Variants in USP18 observed in about 807,000 individuals in gnomAD.
USP18 encodes the protein ubl carboxyl-terminal hydrolase 18.
USP18 carries 11 observed loss-of-function variants against 48.7 expected under a neutral mutation model. The observed-to-expected ratio is 0.23, with a 90% CI of 0.14 to 0.37. The LOEUF is 0.37. Among genes scored for constraint, USP18 ranks in the 10% least tolerant of loss-of-function variants. The pLI, the probability that USP18 is intolerant of heterozygous loss-of-function variation, is 1.00. For synonymous variants in USP18, 114 were observed against 163.2 expected (o/e 0.70, Z 2.30); for missense variants, 285 against 436.4 (o/e 0.65, Z 3.09).
intron 2 of USP18, among the ~76,000 whole-genome samples, chr22:18,159,265 A>G (rs112171896): frequency 0.037 from 5,568 of 152,204 alleles, 330 homozygotes; most frequent in African/African-American, 0.13. Flanking sequence ...CATGTAGGCC[A>G]GGCTGGTATT....
At chr22:18,155,212 C>G (rs538874504) in intron 1 of USP18, among the ~76,000 whole-genome samples, 1 of 152,342 alleles carries the variant, frequency 6.6e-6, no homozygotes, top group African/African-American at 2.4e-5. Flanking sequence ...ATCGCCAGTC[C>G]CTGTTACTGG....
chr22:18,172,942 G>A lies in USP18; in HGVS notation c.892-208G>A, dbSNP rs925355136. On this transcript the variant is annotated intron_variant, in intron 8 of 10. Transcript: ENST00000215794. ...ATGACCTGCCTTCCATCTCTTGCGTGCTCTGCCCTGCCAAGCTGCTGAGCC... is the reference window on the plus strand; with the variant it reads ...ATGACCTGCCTTCCATCTCTTGCGTACTCTGCCCTGCCAAGCTGCTGAGCC... Among the ~76,000 whole-genome samples the A allele has an allele frequency of 2.8e-4, 42 of 150,624 alleles. 1 individual carries two copies. Among genetic ancestry groups the A allele is most frequent in the Non-Finnish European group, 4.3e-4 (29 of 67,744 alleles).
At chr22:18,154,576 A>G (rs1929079098) in intron 1 of USP18, among the ~76,000 whole-genome samples, 1 of 151,880 alleles carries the variant, frequency 6.6e-6, no homozygotes, top group African/African-American at 2.4e-5. Flanking sequence ...CCTTCTCAGT[A>G]TTTGGGGCCA....
chr22:18,150,916 A>C (rs1009563725), intron 1 of USP18, among the ~76,000 whole-genome samples: 3 of 152,266 alleles, frequency 2.0e-5, no homozygotes, highest in South Asian at 2.1e-4. Flanking sequence ...GCACCGTTGC[A>C]CTCCAGCCTG....
At chr22:18,172,428 A>G (rs1204195801) in intron 8 of USP18, among the ~76,000 whole-genome samples, 3 of 152,246 alleles carry the variant, frequency 2.0e-5, no homozygotes, top group African/African-American at 7.2e-5. Context: ...ACTGTTGTGT[A>G]ATCTATGTGG....
chr22:18,152,964 G>C (rs1229920756), intron 1 of USP18, among the ~76,000 whole-genome samples: 1 of 152,118 alleles, frequency 6.6e-6, no homozygotes, highest in African/African-American at 2.4e-5. Context: ...TTCCCTCAAT[G>C]ATGAGCTCAA....
At chr22:18,160,673 C>G (rs562921828) in intron 3 of USP18, among the ~76,000 whole-genome samples, 2 of 152,014 alleles carry the variant, frequency 1.3e-5, no homozygotes, top group African/African-American at 4.8e-5. Flanking sequence ...CTCTCAAAAG[C>G]TGGCAGAGGA....
rs1276495954 is a variant in USP18 at position 18,164,980 on chromosome 22, C to T, written c.401-2275C>T. On this transcript the variant is annotated intron_variant, in intron 4 of 10. Transcript: ENST00000215794. ...GTGTCTCAGCTTTTCCAACCGGTTG[C>T]GATGTGGGTGTTCTCCCCATTGCCC... Among the ~76,000 whole-genome samples the T allele has an allele frequency of 7.2e-5, 11 of 151,866 alleles. No homozygotes were observed. In the East Asian group the frequency reaches 1.8e-3, roughly 24 times the overall value.
chr22:18,167,697 CAAAAAAAAAA>C (rs748332867), intron 5 of USP18, among the ~76,000 whole-genome samples, 183 bp from the exon 6 acceptor site: 5 of 94,346 alleles, frequency 5.3e-5, no homozygotes, highest in African/African-American at 1.8e-4. Flanking sequence ...GACTCTGTCT[CAAAAAAAAAA>C]AAAAAAAAAA....
rs555801641 is a variant in USP18, at chr22:18,157,519, C to T, written c.-106-39C>T. On this transcript the variant is annotated intron_variant, in intron 1 of 10. Transcript: ENST00000215794. ...CGGATTACATGAATACACATTCCTC[C>T]TTCTCTAATTCTTGCCTACCCGCAT... 4 of 1,037,998 alleles carry T rather than the reference C, an allele frequency of 3.9e-6. No individual in the cohort carries two copies. The South Asian group carries it at 4.6e-5, about 12-fold the overall frequency. The allele number at this position is 1,037,998 out of a possible 1,614,324, so 64.3% of individuals were successfully genotyped here. A position where few individuals can be genotyped will look rare whatever the true frequency, so the allele number is the denominator to read the frequency against.
chr22:18,158,635 GGTTGCTAGGGGTCAGACAAAT>G (rs763760464), intron 2 of USP18, among the ~76,000 whole-genome samples: 35 of 152,154 alleles, frequency 2.3e-4, no homozygotes, highest in Non-Finnish European at 4.6e-4. Flanking sequence ...AGAGGAGGTT[GGTTGCTAGGGGTCAGACAAAT>G]GTTATCTTTT....
At chr22:18,157,013 C>G (rs117896320) in intron 1 of USP18, among the ~76,000 whole-genome samples, 1 of 152,348 alleles carries the variant, frequency 6.6e-6, no homozygotes, top group Admixed American at 6.5e-5. Context: ...TTGAGTCACA[C>G]CCCCAGAATT....
Position 18,167,325 on chromosome 22 carries a change from T to A in USP18, c.471T>A (p.Asp157Glu), listed in dbSNP as rs1303309326. ...LWNLIKDQITDVHLVERLQAL... is the reference protein window; with the variant it reads ...LWNLIKDQITEVHLVERLQAL... ...ACCTGATTAAGGACCAGATCACTGA[T>A]GTGCACTTGGTAAGAACCTAGAACC... Residue 157 changes from aspartate to glutamate, a missense_variant, in exon 5 of 11, where the codon GAT (aspartate) becomes GAA (glutamate). This residue lies in a region of USP18 where 199 missense variants were observed against 239.6 expected (regional missense o/e 0.83). Transcript: ENST00000215794. 3 of 1,613,768 alleles carry A rather than the reference T, an allele frequency of 1.9e-6. No homozygotes were observed. The highest frequency in any genetic ancestry group is 2.5e-6 in the Non-Finnish European group (3 of 1,179,834).
chr22:18,159,116 C>G (rs1158404532), intron 2 of USP18, among the ~76,000 whole-genome samples: 1 of 152,158 alleles, frequency 6.6e-6, no homozygotes, highest in East Asian at 1.9e-4. Context: ...AGTGCAGTGG[C>G]ACGATCTTGG....
intron 6 of USP18, among the ~76,000 whole-genome samples, chr22:18,168,482 C>T (rs527542358): frequency 4.6e-4 from 70 of 152,132 alleles, no homozygotes; most frequent in African/African-American, 1.5e-3. Context: ...CTGCAACCTC[C>T]GCCTCTGGTG....
chr22:18,154,642 T>C (rs1191463469), intron 1 of USP18, among the ~76,000 whole-genome samples: 1 of 143,412 alleles, frequency 7.0e-6, no homozygotes, highest in Admixed American at 7.2e-5. Context: ...GGTCTCAGTA[T>C]GTTGCCCGGG....
chr22:18,174,562 C>T (rs1393456534), intron 10 of USP18, among the ~76,000 whole-genome samples: 2 of 152,106 alleles, frequency 1.3e-5, no homozygotes, highest in African/African-American at 4.8e-5. Flanking sequence ...TTGAGCATAC[C>T]TCTTTTACAG....
At chr22:18,151,514 T>C (rs1928998984) in intron 1 of USP18, among the ~76,000 whole-genome samples, 1 of 152,160 alleles carries the variant, frequency 6.6e-6, no homozygotes, top group South Asian at 2.1e-4. Context: ...TCATATTGAT[T>C]TATCAAAGAA....
At chr22:18,168,326 C>T (rs1474920347) in intron 6 of USP18, among the ~76,000 whole-genome samples, 2 of 152,088 alleles carry the variant, frequency 1.3e-5, no homozygotes, top group Non-Finnish European at 2.9e-5. Flanking sequence ...CCAGGATAAC[C>T]GATTAACCCA....
Sources: allele counts gnomAD v4.1 joint callset (sites outside exome capture counted in the v4.1 genomes callset), GRCh38; gene constraint gnomAD v4.1.1; regional missense constraint gnomAD v4.1.1; transcripts MANE v1.5; gene names NCBI Gene and HGNC (gene_info 2026-07-23, HGNC 2026-07-21).